DCK: variants seen among roughly 807,000 people sequenced by gnomAD.
The protein encoded by DCK is deoxyadenosine kinase.
In DCK, 23 loss-of-function variants were observed where a neutral mutation model predicts 38.3. The ratio of observed to expected loss-of-function variants is 0.60; its 90% CI spans 0.43 to 0.85. The LOEUF (loss-of-function observed/expected upper bound fraction) is 0.85, where lower values mean the gene tolerates loss of function less well. DCK is among the 40% of genes least tolerant of loss of function. The probability of loss-of-function intolerance (pLI) is 0.00; values close to 1 mark genes in which losing one functional copy is unlikely to be tolerated. For missense variants in DCK, 259 were observed against 304.4 expected (o/e 0.85, Z 1.11); for synonymous variants, 108 against 100.6 (o/e 1.07, Z -0.44).
chr4:71,010,640 T>C (rs1209687469), intron 2 of DCK, among the ~76,000 whole-genome samples: 1 of 147,456 alleles, frequency 6.8e-6, no homozygotes, highest in African/African-American at 2.5e-5. Flanking sequence ...ATATAAATCA[T>C]ATGTAATGTA....
chr4:71,026,603 A>T, intron 5 of DCK, 62 bp from the exon 6 acceptor site: 1 of 836,764 alleles, frequency 1.2e-6, no homozygotes, highest in South Asian at 1.5e-5. Context: ...ATGAATTTTT[A>T]ATGTTTCTCT....
At chr4:71,023,777 A>G in intron 4 of DCK, 71 bp downstream of exon 4, 1 of 1,431,934 alleles carries the variant, frequency 7.0e-7, no homozygotes, top group Non-Finnish European at 9.4e-7. Flanking sequence ...AGTGGTATAT[A>G]ATGAGGGCAA....
chr4:71,001,535 A>G lies in DCK; in HGVS notation c.207+3353A>G, dbSNP rs77298343. On this transcript the variant is annotated intron_variant, in intron 2 of 6. Coordinates refer to ENST00000286648, the MANE Select transcript of DCK (RefSeq NM_000788.3). Reference sequence around the variant, plus strand: ...GTTAGGGAGGAGTCCCTCTTTTTCTATTGTTTGGAAGTTTCAGAAGGAATA... The same window carrying G: ...GTTAGGGAGGAGTCCCTCTTTTTCTGTTGTTTGGAAGTTTCAGAAGGAATA... 8.7e-3 allele frequency among the ~76,000 whole-genome samples: 1,322 copies of G among 151,852 alleles called. 9 individuals are homozygous for G. The highest frequency in any genetic ancestry group is 0.03 in the African/African-American group (1,258 of 41,400).
In DCK at chr4:71,000,227, G is replaced by A. The variant is rs570626591; in HGVS notation, c.207+2045G>A. Among the ~76,000 whole-genome samples the A allele has an allele frequency of 1.5e-3, 224 of 152,210 alleles. 1 individual carries two copies. Among genetic ancestry groups the A allele is most frequent in the African/African-American group, 5.1e-3 (213 of 41,540 alleles). ...GGTGTAAGGAAGGGGTCCAGTTTCC[G>A]TTTTCTGCATATGGCTAGCCAGTTT... On this transcript the variant is annotated intron_variant, in intron 2 of 6. Coordinates refer to ENST00000286648, the MANE Select transcript of DCK (RefSeq NM_000788.3).
Position 71,029,487 on chromosome 4 carries a change from GT to G in DCK, c.*114del, listed in dbSNP as rs758736628. On this transcript the variant is annotated 3_prime_UTR_variant, in exon 7 of 7. Transcript: ENST00000286648. ...CTTTAGAAAACCCAAGTTTTTAATC[GT>G]TTTTGTTTTAAGGAAAAAAGATTTT... is the stretch of plus-strand genomic sequence containing the variant. 5.1e-6 allele frequency: 4 copies of G among 782,616 alleles called. No homozygotes were observed. Among genetic ancestry groups the G allele is most frequent in the South Asian group, 3.5e-5 (2 of 57,750 alleles). 48.5% of individuals were successfully genotyped at this position (782,616 alleles called of 1,614,324 possible). A position where few individuals can be genotyped will look rare whatever the true frequency, so the allele number is the denominator to read the frequency against.
chr4:71,024,096 C>T (rs1740493143), intron 4 of DCK, among the ~76,000 whole-genome samples: 1 of 152,170 alleles, frequency 6.6e-6, no homozygotes, highest in Non-Finnish European at 1.5e-5. Flanking sequence ...TTGCCTAGAA[C>T]ACCCAGTGCT....
chr4:71,019,927 C>T (rs905632221), intron 2 of DCK, among the ~76,000 whole-genome samples: 9 of 152,166 alleles, frequency 5.9e-5, no homozygotes, highest in Non-Finnish European at 1.2e-4. Context: ...GCTAGGATTA[C>T]AGGCGCGTGC....
In DCK at chr4:70,993,859, C is replaced by T; in HGVS notation, c.24C>T (p.Ser8=). MATPPKR[S]CPSFSASSEG... ...GAATGGCCACCCCGCCCAAGAGAAG[C>T]TGCCCGTCTTTCTCAGCCAGCTCTG... The change falls in exon 1 of 7, where the codon AGC becomes AGT. Residue 8 remains serine, a synonymous_variant. Coordinates refer to ENST00000286648, the MANE Select transcript of DCK (RefSeq NM_000788.3). 6.2e-7 allele frequency: 1 copy of T among 1,613,934 alleles called. No individual in the cohort carries two copies. The highest frequency in any genetic ancestry group is 8.5e-7 in the Non-Finnish European group (1 of 1,179,858).
chr4:71,020,991 T>C (rs373990565), intron 2 of DCK, among the ~76,000 whole-genome samples: 37 of 152,266 alleles, frequency 2.4e-4, no homozygotes, highest in African/African-American at 8.7e-4. Context: ...TCATTGTTTA[T>C]AGGCCTTTTG....
rs1560688389 is a variant in DCK, at chr4:71,023,659, C to T, written c.502C>T (p.Gln168Ter). 1 of 1,613,406 alleles carries T rather than the reference C, an allele frequency of 6.2e-7. No homozygotes were observed. Among genetic ancestry groups the T allele is most frequent in the Admixed American group, 1.7e-5 (1 of 59,970 alleles). Residue 168 changes from glutamine (Q) to a stop codon, truncating the protein, a stop_gained, in exon 4 of 7, where the codon CAA becomes TAA. Transcript: ENST00000286648. LOFTEE classifies it high-confidence loss of function. ...TGACTGGATGAATAACCAATTTGGC[C>T]AAAGCCTTGAATTGGATGGAATCAT... The part of the protein sequence containing the change: ...WHDWMNNQFG[Q>*]SLELDGIIYL...
At chr4:71,015,048 A>T (rs1034831731) in intron 2 of DCK, among the ~76,000 whole-genome samples, 9 of 152,200 alleles carry the variant, frequency 5.9e-5, no homozygotes, top group African/African-American at 1.9e-4. Flanking sequence ...AAGAAAACAG[A>T]GAAGAATCAA....
At chr4:71,002,192 A>G (rs1739820545) in intron 2 of DCK, among the ~76,000 whole-genome samples, 1 of 152,316 alleles carries the variant, frequency 6.6e-6, no homozygotes, top group South Asian at 2.1e-4. Flanking sequence ...ATTGGTTGCA[A>G]AGAACTTATT....
intron 1 of DCK, 75 bp downstream of exon 1, chr4:70,994,001 C>A (rs1739603497): frequency 1.9e-6 from 2 of 1,057,538 alleles, no homozygotes; most frequent in Non-Finnish European, 2.9e-6. Context: ...TTCGCCGCAT[C>A]TCTCTGCAGC....
intron 2 of DCK, among the ~76,000 whole-genome samples, chr4:71,014,400 A>T (rs1471719252): frequency 6.6e-6 from 1 of 152,242 alleles, no homozygotes; most frequent in African/African-American, 2.4e-5. Context: ...AATTGAGCTC[A>T]GCTCTGTACC....
intron 2 of DCK, among the ~76,000 whole-genome samples, chr4:71,011,067 G>C (rs1186098822): frequency 6.6e-6 from 1 of 151,480 alleles, no homozygotes; most frequent in African/African-American, 2.4e-5. Context: ...CTTCCAAGTA[G>C]CTGGAGCTGG....
chr4:71,006,153 C>G (rs1262075934), intron 2 of DCK, among the ~76,000 whole-genome samples: 3 of 73,836 alleles, frequency 4.1e-5, no homozygotes, highest in Non-Finnish European at 8.8e-5. Context: ...AAAAAAAAAG[C>G]AAATAAGAAA....
rs770521247 is a variant in DCK at position 70,998,094 on chromosome 4, T to C, written c.119T>C (p.Ile40Thr). The C allele has an allele frequency of 2.5e-6, 4 of 1,603,372 alleles. No homozygotes were observed. The Admixed American group carries it at 6.8e-5, about 27-fold the overall frequency. ...GCAGGGAAGTCAACATTTGTGAATA[T>C]CCTTAAACAATTGTGTGAAGATTGG... Reference protein sequence around the residue: ...IAAGKSTFVNILKQLCEDWEV... With the variant: ...IAAGKSTFVNTLKQLCEDWEV... Residue 40 changes from isoleucine (I) to threonine (T), a missense_variant, in exon 2 of 7, where the codon ATC becomes ACC. Around this residue, in one of 3 missense-constraint regions of DCK, gnomAD observed 159 missense variants for 159.0 expected, o/e 1.00. Transcript: ENST00000286648.
At chr4:71,004,115 T>C (rs910549853) in intron 2 of DCK, among the ~76,000 whole-genome samples, 1 of 152,262 alleles carries the variant, frequency 6.6e-6, no homozygotes, top group Non-Finnish European at 1.5e-5. Flanking sequence ...TGGTCTTTGA[T>C]GTTGGTGAAC....
At chr4:71,002,220 C>T (rs142712090) in intron 2 of DCK, among the ~76,000 whole-genome samples, 3,282 of 152,218 alleles carry the variant, frequency 0.022, 129 homozygotes, top group African/African-American at 0.074. Context: ...GCCCTAATTT[C>T]GTTATTTACC....
Sources: gnomAD v4.1 joint callset for allele counts (sites outside exome capture counted in the v4.1 genomes callset) on GRCh38, gnomAD v4.1.1 for gene constraint, gnomAD v4.1.1 regional missense constraint, MANE v1.5 for transcripts, NCBI Gene and HGNC (gene_info 2026-07-23, HGNC 2026-07-21) for gene names.